Variants in FHL5 observed in about 807,000 individuals in gnomAD.
The protein encoded by FHL5 is four and a half LIM domains 5.
A neutral mutation model predicts 32.0 loss-of-function variants in FHL5; 33 were observed. The ratio of observed to expected loss-of-function variants is 1.03; its 90% CI spans 0.78 to 1.38. FHL5 has a LOEUF of 1.38. FHL5 is among the 40% of genes most tolerant of loss of function. The probability of loss-of-function intolerance (pLI) is 0.00; values close to 1 mark genes in which losing one functional copy is unlikely to be tolerated. For missense variants in FHL5, 336 were observed against 343.9 expected (o/e 0.98, Z 0.18); for synonymous variants, 114 against 113.6 (o/e 1.00, Z -0.02).
intron 1 of FHL5, among the ~76,000 whole-genome samples, chr6:96,599,221 G>A (rs1173259257): frequency 7.6e-6 from 1 of 131,304 alleles, no homozygotes; most frequent in East Asian, 2.2e-4. Context: ...TTGAGATGGA[G>A]TCTCACTCTT....
rs1314775898 is a variant in FHL5 at position 96,617,854 on chromosome 6, G to T, written c.*2082G>T. ...AAAATTCACAGAATCATTTCCTAAA[G>T]ATTTTATTATCCTTTCATAAGTATA... is the stretch of plus-strand genomic sequence containing the variant. On this transcript the variant is annotated 3_prime_UTR_variant, in exon 6 of 6. Transcript: ENST00000450218. Among the ~76,000 whole-genome samples the T allele has an allele frequency of 2.0e-5, 3 of 152,076 alleles. No homozygotes were observed. Among genetic ancestry groups the T allele is most frequent in the African/African-American group, 7.2e-5 (3 of 41,406 alleles).
chr6:96,580,975 A>G (rs1466928528), intron 1 of FHL5, among the ~76,000 whole-genome samples: 3 of 152,200 alleles, frequency 2.0e-5, no homozygotes, highest in Admixed American at 2.0e-4. Flanking sequence ...TAGAAGAGAA[A>G]CTGTTTATTG....
rs780303066 is a variant in FHL5, at chr6:96,605,978, A to G, written c.411A>G (p.Ile137Met). 9 of 1,614,036 alleles carry G rather than the reference A, an allele frequency of 5.6e-6. No homozygotes were observed. Among genetic ancestry groups the G allele is most frequent in the Non-Finnish European group, 6.8e-6 (8 of 1,179,998 alleles). The change falls in exon 4 of 6, where the codon ATA (isoleucine) becomes ATG (methionine). Residue 137 changes from isoleucine (I) to methionine (M), a missense_variant. Physicochemically the swap from Ile to Met is conservative, Grantham distance 10 (BLOSUM62 1). Coordinates refer to ENST00000450218, the MANE Select transcript of FHL5 (RefSeq NM_001322466.2). ...CFVCENCRQPIGTKPLISKES... is the reference protein window; with the variant it reads ...CFVCENCRQPMGTKPLISKES... ...TGTGTGAGAATTGCCGACAACCTAT[A>G]GGGACAAAGCCTTTGATCTCCAAAG...
At chr6:96,583,956 A>C (rs893833784) in intron 1 of FHL5, among the ~76,000 whole-genome samples, 12 of 152,026 alleles carry the variant, frequency 7.9e-5, no homozygotes, top group Non-Finnish European at 1.5e-4. Flanking sequence ...TTCTTTTCGT[A>C]TATGTGTTTT....
At chr6:96,570,942 A>G (rs1428476640) in intron 1 of FHL5, among the ~76,000 whole-genome samples, 1 of 151,910 alleles carries the variant, frequency 6.6e-6, no homozygotes, top group East Asian at 1.9e-4. Context: ...CCTTGTATCT[A>G]ATTGAGTTTC....
intron 1 of FHL5, among the ~76,000 whole-genome samples, chr6:96,581,860 G>A (rs1047326810): frequency 2.6e-5 from 4 of 152,164 alleles, no homozygotes; most frequent in Admixed American, 2.6e-4. Context: ...AGCATGAAGA[G>A]GTGGAGGGGA....
At chr6:96,588,649 AT>A (rs1388638112) in intron 1 of FHL5, among the ~76,000 whole-genome samples, 1 of 152,194 alleles carries the variant, frequency 6.6e-6, no homozygotes, top group Non-Finnish European at 1.5e-5. Context: ...TTTAAAATAA[AT>A]ATTTTCCAGT....
intron 1 of FHL5, among the ~76,000 whole-genome samples, chr6:96,582,923 C>T (rs1016413993): frequency 6.6e-6 from 1 of 152,074 alleles, no homozygotes; most frequent in Admixed American, 6.6e-5. Context: ...CCAAGTACAC[C>T]TACAACTGAC....
chr6:96,610,921 C>T lies in FHL5; in HGVS notation c.691+163C>T, dbSNP rs114405799. On this transcript the variant is annotated intron_variant, in intron 5 of 5. Coordinates refer to ENST00000450218, the MANE Select transcript of FHL5 (RefSeq NM_001322466.2). Reference sequence around the variant, plus strand: ...TGCATATATATGAGTATAAATATTACATGGATTCCTCAAGGAAAGTACAAG... The same window carrying T: ...TGCATATATATGAGTATAAATATTATATGGATTCCTCAAGGAAAGTACAAG... Among the ~76,000 whole-genome samples, 1,060 of 152,262 alleles carry T rather than the reference C, an allele frequency of 7.0e-3. 9 individuals are homozygous for T. Among genetic ancestry groups the T allele is most frequent in the African/African-American group, 0.024 (994 of 41,546 alleles).
chr6:96,612,185 C>T (rs894262978), intron 5 of FHL5, among the ~76,000 whole-genome samples: 3 of 152,246 alleles, frequency 2.0e-5, no homozygotes, highest in Admixed American at 6.5e-5. Flanking sequence ...TTTTAATTAC[C>T]CTGCTCTCCT....
At chr6:96,583,406 C>T (rs1408624599) in intron 1 of FHL5, among the ~76,000 whole-genome samples, 1 of 152,022 alleles carries the variant, frequency 6.6e-6, no homozygotes, top group Non-Finnish European at 1.5e-5. Context: ...TTTAACTCCC[C>T]TAAATTTTGT....
intron 1 of FHL5, among the ~76,000 whole-genome samples, chr6:96,570,487 G>T (rs1174001526): frequency 6.6e-6 from 1 of 152,010 alleles, no homozygotes; most frequent in Non-Finnish European, 1.5e-5. Flanking sequence ...GGAATTTTGA[G>T]TTTCCTGGAG....
chr6:96,601,918 T>C (rs1396747942), intron 1 of FHL5, among the ~76,000 whole-genome samples: 1 of 152,196 alleles, frequency 6.6e-6, no homozygotes, highest in Non-Finnish European at 1.5e-5. Flanking sequence ...GTGGAATTAA[T>C]CAAATGGAGA....
At chr6:96,609,987 T>C (rs1047809156) in intron 4 of FHL5, among the ~76,000 whole-genome samples, 2 of 152,196 alleles carry the variant, frequency 1.3e-5, no homozygotes, top group African/African-American at 4.8e-5. Flanking sequence ...AAATGGTAGT[T>C]GTTATTAGCA....
rs566373385 is a variant in FHL5 at position 96,566,720 on chromosome 6, G to A, written c.-13+3365G>A. 9.2e-5 allele frequency among the ~76,000 whole-genome samples: 14 copies of A among 151,524 alleles called. No homozygotes were observed. In the East Asian group the frequency reaches 1.4e-3, roughly 15 times the overall value. ...CTGGGGTGAGATTATATCTTCTTGCGGTTTTGATTTGCATTACCCTGATGA... is the reference window on the plus strand; with the variant it reads ...CTGGGGTGAGATTATATCTTCTTGCAGTTTTGATTTGCATTACCCTGATGA... On this transcript the variant is annotated intron_variant, in intron 1 of 5. Coordinates refer to ENST00000450218, the MANE Select transcript of FHL5 (RefSeq NM_001322466.2).
At chr6:96,574,974 A>T (rs1770555137) in intron 1 of FHL5, among the ~76,000 whole-genome samples, 1 of 152,198 alleles carries the variant, frequency 6.6e-6, no homozygotes, top group Admixed American at 6.5e-5. Context: ...AATAGGTGAC[A>T]AGTTAAATTT....
intron 1 of FHL5, among the ~76,000 whole-genome samples, chr6:96,594,217 A>C (rs1303084901): frequency 7.2e-6 from 1 of 138,056 alleles, no homozygotes; most frequent in African/African-American, 2.7e-5. Context: ...GATCCAATAA[A>C]TATTAGAATT....
chr6:96,590,400 AT>A (rs1168592418), intron 1 of FHL5, among the ~76,000 whole-genome samples: 1 of 151,650 alleles, frequency 6.6e-6, no homozygotes. Flanking sequence ...ATCATAAATG[AT>A]TTTTTTTCAT....
At chr6:96,597,805 G>A (rs1771066605) in intron 1 of FHL5, among the ~76,000 whole-genome samples, 1 of 152,064 alleles carries the variant, frequency 6.6e-6, no homozygotes, top group Non-Finnish European at 1.5e-5. Context: ...TCAAGGAAAG[G>A]GGAGGTTTAC....
Sources: allele counts gnomAD v4.1 joint callset (sites outside exome capture counted in the v4.1 genomes callset), GRCh38; gene constraint gnomAD v4.1.1; transcripts MANE v1.5; gene names NCBI Gene and HGNC (gene_info 2026-07-23, HGNC 2026-07-21).